Variants in TCAIM observed in about 807,000 individuals in gnomAD.
The protein encoded by TCAIM is T-cell activation inhibitor, mitochondrial.
Under a neutral mutation model 58.6 loss-of-function variants are expected in TCAIM, and 36 were observed. That is an observed-to-expected ratio of 0.61 (90% CI 0.47 to 0.81). The LOEUF (loss-of-function observed/expected upper bound fraction) is 0.81, where lower values mean the gene tolerates loss of function less well. Ranked by LOEUF, TCAIM falls within the 30% of genes least tolerant of loss-of-function variation. The pLI, the probability that TCAIM is intolerant of heterozygous loss-of-function variation, is 0.00. For synonymous variants in TCAIM, 172 were observed against 193.6 expected (o/e 0.89, Z 0.93); for missense variants, 466 against 579.6 (o/e 0.80, Z 2.01).
rs983727720 is a variant in TCAIM at position 44,338,829 on chromosome 3, A to G, written c.-50A>G. On this transcript the variant is annotated 5_prime_UTR_variant, in exon 1 of 11. Coordinates refer to ENST00000342649, the MANE Select transcript of TCAIM (RefSeq NM_173826.4). ...AAAGCCCTCGCGTCGGACCCTTGCC[A>G]GAACTGTAAGGAGCAAGAGGGGAGG... The G allele has an allele frequency of 7.9e-5, 12 of 152,402 alleles. No homozygotes were observed. The highest frequency in any genetic ancestry group is 2.9e-4 in the African/African-American group (12 of 41,574). 9.4% of individuals were successfully genotyped at this position (152,402 alleles called of 1,614,324 possible).
chr3:44,372,077 G>GGAAGGAAGGAAGGAAGGA (rs1232901051), intron 5 of TCAIM, among the ~76,000 whole-genome samples: 1 of 146,118 alleles, frequency 6.8e-6, no homozygotes, highest in East Asian at 2.1e-4. Context: ...AAGGAAGGAA[G>GGAAGGAAGGAAGGAAGGA]ATACAGTATT....
At chr3:44,356,355 C>T (rs553857755) in intron 2 of TCAIM, among the ~76,000 whole-genome samples, 5 of 151,720 alleles carry the variant, frequency 3.3e-5, no homozygotes, top group African/African-American at 9.7e-5. Context: ...GGCGAAACAC[C>T]GTCTCTACTA....
At chr3:44,341,224 A>G (rs966195473) in intron 1 of TCAIM, 6 of 152,144 alleles carry the variant, frequency 3.9e-5, no homozygotes, top group Non-Finnish European at 7.4e-5. Flanking sequence ...TTGCTCTCTC[A>G]TTGTTTCTCC....
intron 1 of TCAIM, among the ~76,000 whole-genome samples, chr3:44,354,311 G>A (rs556457058): frequency 6.6e-6 from 1 of 152,282 alleles, no homozygotes; most frequent in South Asian, 2.1e-4. Context: ...CTTGACTACT[G>A]TAGCTTTAGA....
At chr3:44,366,357 G>A (rs181442403) in intron 4 of TCAIM, among the ~76,000 whole-genome samples, 165 of 151,188 alleles carry the variant, frequency 1.1e-3, no homozygotes, top group South Asian at 1.7e-3. Flanking sequence ...GTACAATCTC[G>A]GCTCACTGCA....
chr3:44,345,548 G>A (rs545362709), intron 1 of TCAIM, among the ~76,000 whole-genome samples: 1 of 151,838 alleles, frequency 6.6e-6, no homozygotes, highest in African/African-American at 2.4e-5. Flanking sequence ...TTTTAGCAGT[G>A]ACTAACGAGT....
chr3:44,396,390 G>A lies in TCAIM; in HGVS notation c.696-10G>A, dbSNP rs778267778. ...ACTTGTTAACATGAGTGTGTGCTCT[G>A]TTGGCCTAGGTGGCAGAGGAGCTGG... On this transcript the variant is annotated splice_polypyrimidine_tract_variant and intron_variant, in intron 6 of 10. Transcript: ENST00000342649. The A allele has an allele frequency of 1.1e-5, 18 of 1,611,740 alleles. No individual in the cohort carries two copies. The highest frequency in any genetic ancestry group is 3.4e-5 in the Admixed American group (2 of 59,450).
At chr3:44,363,434 A>T (rs1453684584) in intron 4 of TCAIM, among the ~76,000 whole-genome samples, 6 of 152,212 alleles carry the variant, frequency 3.9e-5, no homozygotes, top group African/African-American at 9.6e-5. Flanking sequence ...GTAGATTTTT[A>T]AAAAATTTTT....
intron 5 of TCAIM, among the ~76,000 whole-genome samples, chr3:44,383,685 G>T (rs6441836): frequency 0.87 from 131,544 of 151,816 alleles, 57,385 homozygotes; most frequent in East Asian, 1. Flanking sequence ...TTAAAAATGG[G>T]TAAGGGGCTG....
chr3:44,400,621 C>T (rs1702008339), intron 9 of TCAIM, 34 bp downstream of exon 9: 17 of 1,558,618 alleles, frequency 1.1e-5, no homozygotes, highest in African/African-American at 1.4e-5. Flanking sequence ...TACTTTTATT[C>T]CTTCGTCTAG....
At chr3:44,374,286 C>CTTTTTT (rs753252645) in intron 5 of TCAIM, among the ~76,000 whole-genome samples, 2 of 119,862 alleles carry the variant, frequency 1.7e-5, no homozygotes, top group Non-Finnish European at 3.6e-5. Context: ...GCTTTGCTTT[C>CTTTTTT]TTTTTTTTTT....
chr3:44,376,852 A>T (rs1206585243), intron 5 of TCAIM, among the ~76,000 whole-genome samples: 1 of 152,128 alleles, frequency 6.6e-6, no homozygotes, highest in Non-Finnish European at 1.5e-5. Context: ...ACTTTGGGAG[A>T]CTAAGGCGGG....
At chr3:44,375,448 C>T (rs1009058288) in intron 5 of TCAIM, among the ~76,000 whole-genome samples, 2 of 152,086 alleles carry the variant, frequency 1.3e-5, no homozygotes, top group African/African-American at 4.8e-5. Context: ...CTATTTTTAG[C>T]AATCAGATCT....
At position 44,404,197 on chromosome 3, in the gene TCAIM, G is replaced by A. The variant is rs183756181; in HGVS notation, c.1250+2863G>A. On this transcript the variant is annotated intron_variant, in intron 10 of 10. Transcript: ENST00000342649. Reference sequence around the variant, plus strand: ...TCCACCTTCTCTGGCCACACAACTCGAAGCATGGAGTCCCCACCCTCTGCT... The same window carrying A: ...TCCACCTTCTCTGGCCACACAACTCAAAGCATGGAGTCCCCACCCTCTGCT... Among the ~76,000 whole-genome samples the A allele has an allele frequency of 3.2e-3, 480 of 152,010 alleles. 3 individuals carry two copies. Among genetic ancestry groups the A allele is most frequent in the Non-Finnish European group, 5.1e-3 (349 of 67,958 alleles).
At chr3:44,367,834 A>G in intron 5 of TCAIM, 126 bp downstream of exon 5, 1 of 953,652 alleles carries the variant, frequency 1.0e-6, no homozygotes, top group Non-Finnish European at 1.5e-6. Flanking sequence ...ATTAAAACCT[A>G]ATTTTCCAGG....
At chr3:44,407,102 T>G (rs1702112541) in intron 10 of TCAIM, among the ~76,000 whole-genome samples, 1 of 152,126 alleles carries the variant, frequency 6.6e-6, no homozygotes, top group African/African-American at 2.4e-5. Context: ...AAACTAGGGG[T>G]TTTATATTCT....
At chr3:44,387,630 GCTCA>G (rs1559578637) in intron 5 of TCAIM, among the ~76,000 whole-genome samples, 1 of 152,182 alleles carries the variant, frequency 6.6e-6, no homozygotes. Context: ...TGGACCCTGC[GCTCA>G]CTCACACACC....
At chr3:44,356,754 TC>T (rs1196584056) in intron 2 of TCAIM, among the ~76,000 whole-genome samples, 1 of 145,602 alleles carries the variant, frequency 6.9e-6, no homozygotes, top group African/African-American at 2.6e-5. Context: ...TTACCTGAGG[TC>T]AGGAGTTTGA....
At chr3:44,342,688 T>G (rs1056813938) in intron 1 of TCAIM, among the ~76,000 whole-genome samples, 3 of 151,864 alleles carry the variant, frequency 2.0e-5, no homozygotes, top group Non-Finnish European at 2.9e-5. Context: ...TTTTTTTTCC[T>G]TAAGGTCTTT....
Sources: allele counts gnomAD v4.1 joint callset (sites outside exome capture counted in the v4.1 genomes callset), GRCh38; gene constraint gnomAD v4.1.1; transcripts MANE v1.5; gene names NCBI Gene and HGNC (gene_info 2026-07-23, HGNC 2026-07-21).